Variants in TANK observed in about 807,000 individuals in gnomAD.
TANK encodes TRAF family member associated NFKB activator, also known as TRAF family member-associated NF-kappa-B activator.
In TANK, 15 loss-of-function variants were observed where a neutral mutation model predicts 43.6. The observed-to-expected ratio is 0.34, with a 90% CI of 0.23 to 0.53. The LOEUF is 0.53. Among genes scored for constraint, TANK ranks in the 20% least tolerant of loss-of-function variants. TANK has a pLI of 0.94. For missense variants in TANK, 417 were observed against 498.6 expected (o/e 0.84, Z 1.56); for synonymous variants, 162 against 178.2 (o/e 0.91, Z 0.73).
intron 2 of TANK, among the ~76,000 whole-genome samples, chr2:161,192,825 GA>G (rs1420219659): frequency 6.6e-6 from 1 of 152,206 alleles, no homozygotes; most frequent in Non-Finnish European, 1.5e-5. Flanking sequence ...CCTAGACTCA[GA>G]AATGTTGATT....
chr2:161,230,367 TAA>T (rs1306246152), intron 6 of TANK, among the ~76,000 whole-genome samples: 1 of 152,206 alleles, frequency 6.6e-6, no homozygotes, highest in Non-Finnish European at 1.5e-5. Context: ...AAAAAAGATA[TAA>T]GATGATAAAA....
upstream of TANK, among the ~76,000 whole-genome samples, chr2:161,158,802 A>G (rs1178681019): frequency 6.6e-6 from 1 of 152,268 alleles, no homozygotes; most frequent in Non-Finnish European, 1.5e-5. Context: ...TGCAAAAGAC[A>G]TATCTGATAA....
intron 2 of TANK, among the ~76,000 whole-genome samples, chr2:161,193,311 A>C (rs1686003033): frequency 6.6e-6 from 1 of 152,210 alleles, no homozygotes; most frequent in African/African-American, 2.4e-5. Context: ...AATAAGACAA[A>C]AGATTATTAT....
intron 4 of TANK, among the ~76,000 whole-genome samples, chr2:161,214,659 T>A (rs1374116145): frequency 1.3e-5 from 2 of 152,164 alleles, no homozygotes; most frequent in Non-Finnish European, 2.9e-5. Context: ...AATGCAAATA[T>A]TAATAATATC....
At chr2:161,169,333 GA>G (rs777219018) in intron 1 of TANK, among the ~76,000 whole-genome samples, 43 of 152,110 alleles carry the variant, frequency 2.8e-4, no homozygotes, top group Non-Finnish European at 8.8e-5. Flanking sequence ...AATTTTCAGG[GA>G]AAAAAGTTTT....
At chr2:161,188,952 AC>A (rs1423448598) in intron 2 of TANK, among the ~76,000 whole-genome samples, 1 of 152,130 alleles carries the variant, frequency 6.6e-6, no homozygotes, top group Non-Finnish European at 1.5e-5. Context: ...GATACCTTCC[AC>A]TATATGGAAG....
At chr2:161,186,292 C>T (rs183400727) in intron 2 of TANK, among the ~76,000 whole-genome samples, 7 of 152,364 alleles carry the variant, frequency 4.6e-5, no homozygotes, top group Non-Finnish European at 7.3e-5. Flanking sequence ...TATTCTCTCA[C>T]AGCCTTTCTA....
In TANK at chr2:161,204,659, G is replaced by A; in HGVS notation, c.209-16G>A. 1.3e-6 allele frequency: 2 copies of A among 1,598,048 alleles called. No homozygotes were observed. Among genetic ancestry groups the A allele is most frequent in the Non-Finnish European group, 1.7e-6 (2 of 1,174,430 alleles). ...AAGGGTTTTCTGCTAATGTCCAAGA[G>A]GTTTTTGTCTTGCAGATAACAATTA... is the stretch of plus-strand genomic sequence containing the variant. On this transcript the variant is annotated splice_polypyrimidine_tract_variant and intron_variant, in intron 3 of 7. Transcript: ENST00000392749.
At chr2:161,139,445 T>C (rs1248001067) in intron 1 of TANK, among the ~76,000 whole-genome samples, 5 of 152,222 alleles carry the variant, frequency 3.3e-5, no homozygotes. Flanking sequence ...GAGACAACTG[T>C]ATGGTTTTTC....
At chr2:161,225,808 A>G (rs1687585904) in intron 6 of TANK, among the ~76,000 whole-genome samples, 2 of 152,208 alleles carry the variant, frequency 1.3e-5, no homozygotes. Context: ...AAATCATTTT[A>G]TAGTGTAAAT....
At chr2:161,165,668 C>A (rs1017073402) in intron 1 of TANK, among the ~76,000 whole-genome samples, 1 of 152,226 alleles carries the variant, frequency 6.6e-6, no homozygotes, top group African/African-American at 2.4e-5. Flanking sequence ...ACTTTCTCTT[C>A]TAGTTCCCTC....
intron 1 of TANK, among the ~76,000 whole-genome samples, chr2:161,165,693 T>C (rs960304763): frequency 6.6e-6 from 1 of 152,360 alleles, no homozygotes; most frequent in East Asian, 1.9e-4. Context: ...GTGAATATTA[T>C]GCAAAGTCCT....
At chr2:161,194,504 C>G (rs531540253) in intron 2 of TANK, among the ~76,000 whole-genome samples, 2 of 152,154 alleles carry the variant, frequency 1.3e-5, no homozygotes, top group South Asian at 4.2e-4. Context: ...GTCTTATTGA[C>G]TTGCCAGTAA....
chr2:161,169,958 G>T (rs910539176), intron 1 of TANK, among the ~76,000 whole-genome samples: 1 of 152,108 alleles, frequency 6.6e-6, no homozygotes, highest in Non-Finnish European at 1.5e-5. Context: ...TCTTTGTTCC[G>T]ACCCTAACCC....
intron 6 of TANK, among the ~76,000 whole-genome samples, chr2:161,228,590 T>C (rs1195594575): frequency 6.6e-6 from 1 of 152,188 alleles, no homozygotes; most frequent in Non-Finnish European, 1.5e-5. Flanking sequence ...TGTTGTTACA[T>C]TGTAGCACAT....
chr2:161,227,459 T>C (rs967614931), intron 6 of TANK, among the ~76,000 whole-genome samples: 20 of 152,230 alleles, frequency 1.3e-4, no homozygotes, highest in African/African-American at 4.3e-4. Context: ...CAGTGGCAGA[T>C]CTACCACTTA....
intron 2 of TANK, among the ~76,000 whole-genome samples, chr2:161,190,267 C>T (rs1478125049): frequency 2.6e-5 from 4 of 152,152 alleles, no homozygotes; most frequent in Non-Finnish European, 4.4e-5. Context: ...CTACTTCACA[C>T]CCATTGGTGT....
intron 1 of TANK, among the ~76,000 whole-genome samples, chr2:161,175,781 C>T (rs1049493766): frequency 8.6e-5 from 13 of 152,040 alleles, no homozygotes; most frequent in African/African-American, 3.1e-4. Flanking sequence ...AACCGACTGC[C>T]CTCAGTTTTG....
intron 4 of TANK, among the ~76,000 whole-genome samples, chr2:161,221,984 C>T (rs1319866301): frequency 6.6e-6 from 1 of 152,130 alleles, no homozygotes; most frequent in African/African-American, 2.4e-5. Context: ...TTGATAAATT[C>T]ACCCACACTA....
Sources: allele counts gnomAD v4.1 joint callset (sites outside exome capture counted in the v4.1 genomes callset), GRCh38; gene constraint gnomAD v4.1.1; transcripts MANE v1.5; gene names NCBI Gene and HGNC (gene_info 2026-07-23, HGNC 2026-07-21).